Variants in OTULINL observed in about 807,000 individuals in gnomAD.
The protein encoded by OTULINL is OTU deubiquitinase with linear linkage specificity like.
Under a neutral mutation model 43.9 loss-of-function variants are expected in OTULINL, and 42 were observed. The ratio of observed to expected loss-of-function variants is 0.96; its 90% confidence interval spans 0.75 to 1.24. The LOEUF is 1.24. Among genes scored for constraint, OTULINL ranks in the 50% most tolerant of loss-of-function variants. The pLI, the probability that OTULINL is intolerant of heterozygous loss-of-function variation, is 0.00. For synonymous variants in OTULINL, 172 were observed against 153.6 expected (o/e 1.12, Z -0.88); for missense variants, 411 against 426.4 (o/e 0.96, Z 0.32).
intron 5 of OTULINL, among the ~76,000 whole-genome samples, chr5:14,606,330 G>A (rs1381045415): frequency 2.0e-5 from 3 of 152,060 alleles, no homozygotes; most frequent in Admixed American, 6.5e-5. Context: ...CTCCCACCAG[G>A]TCCCTCCCAC....
chr5:14,594,984 T>G (rs1184119755), intron 1 of OTULINL, among the ~76,000 whole-genome samples: 2 of 152,192 alleles, frequency 1.3e-5, no homozygotes, highest in Non-Finnish European at 2.9e-5. Context: ...TAATAGGACA[T>G]TGAAGCAGAT....
Position 14,613,174 on chromosome 5 carries a change from G to A in OTULINL, c.*2860G>A, listed in dbSNP as rs1759610848. ...TGACCTTGGGCGATCCGCCTACCTCGGCATCCCAAAGTGCTGGGATTACGG... is the reference window on the plus strand; with the variant it reads ...TGACCTTGGGCGATCCGCCTACCTCAGCATCCCAAAGTGCTGGGATTACGG... On this transcript the variant is annotated 3_prime_UTR_variant, in exon 8 of 8. Coordinates refer to ENST00000274217, the MANE Select transcript of OTULINL (RefSeq NM_019018.3). Among the ~76,000 whole-genome samples, 1 of 152,108 alleles carries A rather than the reference G, an allele frequency of 6.6e-6. No individual in the cohort carries two copies. The highest frequency in any genetic ancestry group is 1.5e-5 in the Non-Finnish European group (1 of 68,044).
In OTULINL at chr5:14,613,721, AG is replaced by A. The variant is rs1759620298; in HGVS notation, c.*3410del. On this transcript the variant is annotated 3_prime_UTR_variant, in exon 8 of 8. Transcript: ENST00000274217. ...CTTGAACCAAAGTCATTTCCACCCA[AG>A]GGAGAGTCAGGTGAAAGTCCCCAGG... 6.6e-6 allele frequency among the ~76,000 whole-genome samples: 1 copy of A among 152,144 alleles called. No individual in the cohort carries two copies. The highest frequency in any genetic ancestry group is 2.4e-5 in the African/African-American group (1 of 41,432).
intron 1 of OTULINL, among the ~76,000 whole-genome samples, chr5:14,593,095 T>A (rs772025901): frequency 2.2e-4 from 33 of 152,326 alleles, no homozygotes; most frequent in Non-Finnish European, 4.4e-4. Context: ...GTCGGTTGCA[T>A]TTATAATTGT....
At chr5:14,598,586 G>GT (rs1349278783) in intron 1 of OTULINL, among the ~76,000 whole-genome samples, 1 of 152,146 alleles carries the variant, frequency 6.6e-6, no homozygotes, top group East Asian at 1.9e-4. Context: ...TGATCCAAGT[G>GT]TTTATCAATA....
In OTULINL at chr5:14,613,796, GGCTCAACCTCC is replaced by G. The variant is rs1759622885; in HGVS notation, c.*3483_*3493del. Among the ~76,000 whole-genome samples the G allele has an allele frequency of 2.0e-5, 3 of 152,126 alleles. No homozygotes were observed. Among genetic ancestry groups the G allele is most frequent in the Non-Finnish European group, 4.4e-5 (3 of 68,030 alleles). On this transcript the variant is annotated 3_prime_UTR_variant, in exon 8 of 8. Coordinates refer to ENST00000274217, the MANE Select transcript of OTULINL (RefSeq NM_019018.3). The stretch of plus-strand genomic sequence containing the variant: ...CTCCAGACTAAGCTGGTGGAGGATG[GGCTCAACCTCC>G]ATGAGAGAAGAGCAGCCAGGATCAG...
intron 1 of OTULINL, among the ~76,000 whole-genome samples, chr5:14,597,753 C>T (rs1037789926): frequency 6.6e-6 from 1 of 152,230 alleles, no homozygotes; most frequent in Non-Finnish European, 1.5e-5. Flanking sequence ...TTCCATCCAC[C>T]TCCAGATGGT....
chr5:14,604,799 T>TG (rs1402522311), intron 5 of OTULINL, among the ~76,000 whole-genome samples: 1 of 152,218 alleles, frequency 6.6e-6, no homozygotes, highest in Non-Finnish European at 1.5e-5. Context: ...GTCACACTGA[T>TG]GCAAGAGGTG....
chr5:14,606,864 G>A (rs31974), intron 5 of OTULINL, among the ~76,000 whole-genome samples: 142,475 of 152,342 alleles, frequency 0.94, 66,768 homozygotes, highest in African/African-American at 0.98. Flanking sequence ...AAAATAACCT[G>A]AGGCACAAAT....
chr5:14,594,623 A>G (rs1354192468), intron 1 of OTULINL, among the ~76,000 whole-genome samples: 1 of 152,128 alleles, frequency 6.6e-6, no homozygotes, highest in Non-Finnish European at 1.5e-5. Flanking sequence ...AGTGTGAGGA[A>G]TTGGTGAGGG....
At chr5:14,596,849 G>A (rs1357842372) in intron 1 of OTULINL, among the ~76,000 whole-genome samples, 1 of 152,138 alleles carries the variant, frequency 6.6e-6, no homozygotes, top group African/African-American at 2.4e-5. Context: ...CGTGGTGAGA[G>A]GGTATTAGCA....
chr5:14,589,501 C>T (rs1030821599), intron 1 of OTULINL, among the ~76,000 whole-genome samples: 9 of 152,012 alleles, frequency 5.9e-5, no homozygotes, highest in African/African-American at 1.9e-4. Context: ...GGGGACTGGG[C>T]GTGGGTGACC....
At position 14,610,245 on chromosome 5, in the gene OTULINL, T is replaced by C; in HGVS notation, c.1002T>C (p.Pro334=). ...RDFEVCYPEE[P]LRDWPEISLL... ...TTGAAGTCTGCTACCCAGAGGAGCCTCTCAGGGACTGGCCGGAGATCTCCC... is the reference window on the plus strand; with the variant it reads ...TTGAAGTCTGCTACCCAGAGGAGCCCCTCAGGGACTGGCCGGAGATCTCCC... The change falls in exon 8 of 8, where the codon CCT becomes CCC. Residue 334 remains proline (P), a synonymous_variant. Transcript: ENST00000274217. 2 of 1,613,884 alleles carry C rather than the reference T, an allele frequency of 1.2e-6. No individual in the cohort carries two copies. Among genetic ancestry groups the C allele is most frequent in the Non-Finnish European group, 1.7e-6 (2 of 1,179,966 alleles).
chr5:14,587,158 G>C (rs557707810), intron 1 of OTULINL, among the ~76,000 whole-genome samples: 1 of 152,362 alleles, frequency 6.6e-6, no homozygotes, highest in South Asian at 2.1e-4. Flanking sequence ...CTGGTAATGA[G>C]AGAATCGGTC....
In OTULINL at chr5:14,615,977, A is replaced by G. The variant is rs1278810233; in HGVS notation, c.*5663A>G. Among the ~76,000 whole-genome samples the G allele has an allele frequency of 6.6e-6, 1 of 152,250 alleles. No individual in the cohort carries two copies. Among genetic ancestry groups the G allele is most frequent in the African/African-American group, 2.4e-5 (1 of 41,470 alleles). On this transcript the variant is annotated 3_prime_UTR_variant, in exon 8 of 8. Coordinates refer to ENST00000274217, the MANE Select transcript of OTULINL (RefSeq NM_019018.3). Reference sequence around the variant, plus strand: ...AGTAGCTTTTTCCTTTTGAAACATCATTGTAAAACAGTGCTTTTTAAACTA... The same window carrying G: ...AGTAGCTTTTTCCTTTTGAAACATCGTTGTAAAACAGTGCTTTTTAAACTA...
intron 5 of OTULINL, among the ~76,000 whole-genome samples, chr5:14,603,483 C>T (rs564213515): frequency 3.9e-5 from 6 of 152,298 alleles, no homozygotes; most frequent in South Asian, 4.1e-4. Context: ...CACATTCTCA[C>T]CAGCACTTGA....
intron 1 of OTULINL, among the ~76,000 whole-genome samples, chr5:14,584,712 C>A (rs898805676): frequency 6.6e-6 from 1 of 152,108 alleles, no homozygotes; most frequent in Admixed American, 6.6e-5. Flanking sequence ...TTGAAGAAAC[C>A]AAGTCACACA....
intron 1 of OTULINL, among the ~76,000 whole-genome samples, chr5:14,586,087 G>A (rs186091953): frequency 6.6e-6 from 1 of 152,274 alleles, no homozygotes; most frequent in East Asian, 1.9e-4. Context: ...ATTTTTAGAG[G>A]AATTATTGGA....
Position 14,601,396 on chromosome 5 carries a change from C to T in OTULINL, c.302C>T (p.Ala101Val). Residue 101 changes from alanine (A) to valine (V), a missense_variant, in exon 4 of 8, where the codon GCA becomes GTA. Transcript: ENST00000274217. The part of the protein sequence containing the change: ...EAEVDLLSYC[A>V]REWKGETPRN... Reference sequence around the variant, plus strand: ...GAGGTTGATTTACTCAGTTATTGTGCAAGAGAATGGAAAGGAGAGACACCC... The same window carrying T: ...GAGGTTGATTTACTCAGTTATTGTGTAAGAGAATGGAAAGGAGAGACACCC... 1 of 1,614,012 alleles carries T rather than the reference C, an allele frequency of 6.2e-7. No homozygotes were observed. Among genetic ancestry groups the T allele is most frequent in the Non-Finnish European group, 8.5e-7 (1 of 1,180,016 alleles).
Sources: allele counts gnomAD v4.1 joint callset (sites outside exome capture counted in the v4.1 genomes callset), GRCh38; gene constraint gnomAD v4.1.1; transcripts MANE v1.5; gene names NCBI Gene and HGNC (gene_info 2026-07-23, HGNC 2026-07-21).